Variants in KCNK13 observed in about 807,000 individuals in gnomAD.
The protein encoded by KCNK13 is potassium two pore domain channel subfamily K member 13.
In KCNK13, 12 loss-of-function variants were observed where a neutral mutation model predicts 23.4. The observed-to-expected ratio is 0.51, with a 90% CI of 0.33 to 0.83. KCNK13 has a LOEUF of 0.83. Among genes scored for constraint, KCNK13 ranks in the 40% least tolerant of loss-of-function variants. The pLI is 0.02. For missense variants in KCNK13, 463 were observed against 556.3 expected (o/e 0.83, Z 1.69); for synonymous variants, 231 against 229.5 (o/e 1.01, Z -0.06).
chr14:90,112,401 G>A (rs1409716747), intron 1 of KCNK13, among the ~76,000 whole-genome samples: 4 of 152,160 alleles, frequency 2.6e-5, no homozygotes, highest in East Asian at 1.9e-4. Flanking sequence ...GATTCATGCC[G>A]GCCAGTAGAG....
intron 1 of KCNK13, among the ~76,000 whole-genome samples, chr14:90,159,987 A>T: frequency 6.6e-6 from 1 of 151,926 alleles, no homozygotes; most frequent in East Asian, 1.9e-4. Context: ...ACATGCATGC[A>T]TACAGAGGGG....
At chr14:90,156,331 C>T (rs898955391) in intron 1 of KCNK13, among the ~76,000 whole-genome samples, 1 of 151,916 alleles carries the variant, frequency 6.6e-6, no homozygotes, top group African/African-American at 2.4e-5. Flanking sequence ...GATGGGGTGC[C>T]CCAATACTTA....
At chr14:90,097,091 G>A (rs1466300543) in intron 1 of KCNK13, among the ~76,000 whole-genome samples, 1 of 152,062 alleles carries the variant, frequency 6.6e-6, no homozygotes, top group Admixed American at 6.5e-5. Context: ...TCTATATTTT[G>A]TTCTACCTCT....
intron 1 of KCNK13, among the ~76,000 whole-genome samples, chr14:90,073,710 A>G (rs956314643): frequency 7.9e-5 from 12 of 152,132 alleles, no homozygotes; most frequent in African/African-American, 2.9e-4. Flanking sequence ...TCACTCTGTC[A>G]CCCAGGCTGG....
At position 90,184,944 on chromosome 14, in the gene KCNK13, G is replaced by A. The variant is rs527822225; in HGVS notation, c.1168G>A (p.Gly390Arg). Reference protein sequence around the residue: ...TLARDNEFSGGVGAFAIMNNR... With the variant: ...TLARDNEFSGRVGAFAIMNNR... The stretch of plus-strand genomic sequence containing the variant: ...GGCCCGGGACAATGAATTCTCAGGG[G>A]GGGTGGGAGCCTTTGCAATCATGAA... The change falls in exon 2 of 2, where the codon GGG becomes AGG. Residue 390 changes from glycine to arginine, a missense_variant. Coordinates refer to ENST00000282146, the MANE Select transcript of KCNK13 (RefSeq NM_022054.4). The surrounding 1 kb of genome is among the most constrained non-coding windows in gnomAD (Gnocchi z 5.6). 7 of 1,612,182 alleles carry A rather than the reference G, an allele frequency of 4.3e-6. No individual in the cohort carries two copies. The African/African-American group carries it at 6.7e-5, about 15-fold the overall frequency.
chr14:90,107,201 C>T (rs546216996), intron 1 of KCNK13, among the ~76,000 whole-genome samples: 14 of 150,912 alleles, frequency 9.3e-5, no homozygotes, highest in South Asian at 6.3e-4. Flanking sequence ...ACATGTTGGC[C>T]GGGCATGGTG....
chr14:90,083,296 T>C (rs1286903), intron 1 of KCNK13, among the ~76,000 whole-genome samples: 40,098 of 152,120 alleles, frequency 0.26, 5,614 homozygotes, highest in Non-Finnish European at 0.32. Flanking sequence ...AGTTCTATTT[T>C]TCCTTTTGTT....
chr14:90,160,490 A>G (rs567995984), intron 1 of KCNK13, among the ~76,000 whole-genome samples: 2 of 152,180 alleles, frequency 1.3e-5, no homozygotes, highest in African/African-American at 4.8e-5. Context: ...GCCTTGAAAG[A>G]TGAGTACTTA....
intron 1 of KCNK13, among the ~76,000 whole-genome samples, chr14:90,126,763 G>C (rs955764559): frequency 2.0e-5 from 3 of 151,978 alleles, no homozygotes; most frequent in Non-Finnish European, 2.9e-5. Flanking sequence ...GGCTGGTCTC[G>C]AACTCCTGAC....
At chr14:90,075,814 C>T (rs1889128235) in intron 1 of KCNK13, among the ~76,000 whole-genome samples, 1 of 152,178 alleles carries the variant, frequency 6.6e-6, no homozygotes, top group Non-Finnish European at 1.5e-5. Flanking sequence ...CCATCTTTCT[C>T]TCTAGTTTCA....
rs78417300 is a variant in KCNK13, at chr14:90,078,882, G to A, written c.334+16343G>A. On this transcript the variant is annotated intron_variant, in intron 1 of 1. Transcript: ENST00000282146. ...AGAGAAAGTCAGGCTCAAAAAGAGT[G>A]AGTAACTTTCCCAAGTCCACACAGC... 2.4e-4 allele frequency among the ~76,000 whole-genome samples: 36 copies of A among 152,322 alleles called. No individual in the cohort carries two copies. The East Asian group carries it at 6.9e-3, about 29-fold the overall frequency.
chr14:90,150,383 G>A (rs534227524), intron 1 of KCNK13, among the ~76,000 whole-genome samples: 3 of 152,272 alleles, frequency 2.0e-5, no homozygotes, highest in East Asian at 3.9e-4. Context: ...GGAGGCTAAG[G>A]CGAAGGACTG....
intron 1 of KCNK13, among the ~76,000 whole-genome samples, chr14:90,174,169 G>C (rs967713590): frequency 6.6e-6 from 1 of 152,090 alleles, no homozygotes; most frequent in Admixed American, 6.6e-5. Flanking sequence ...AATTAGCCGG[G>C]TGTGGTGGTG....
chr14:90,160,082 CA>C (rs1177382657), intron 1 of KCNK13, among the ~76,000 whole-genome samples: 4 of 151,650 alleles, frequency 2.6e-5, no homozygotes, highest in African/African-American at 7.3e-5. Flanking sequence ...CAGGCTGCGG[CA>C]AAAAAGAATA....
intron 1 of KCNK13, among the ~76,000 whole-genome samples, chr14:90,147,801 G>T (rs1212484639): frequency 6.6e-6 from 1 of 152,100 alleles, no homozygotes; most frequent in Non-Finnish European, 1.5e-5. Flanking sequence ...AATATTGAAT[G>T]TTCCTGGCCT....
At chr14:90,129,373 C>T (rs1221885169) in intron 1 of KCNK13, among the ~76,000 whole-genome samples, 2 of 152,112 alleles carry the variant, frequency 1.3e-5, no homozygotes, top group African/African-American at 4.8e-5. Context: ...TGCAATTGTT[C>T]ACAAGTGTGA....
intron 1 of KCNK13, among the ~76,000 whole-genome samples, chr14:90,136,630 A>T (rs773084532): frequency 2.6e-5 from 4 of 152,176 alleles, no homozygotes; most frequent in East Asian, 1.9e-4. Flanking sequence ...GTAGTAAAAT[A>T]GTTATTTACT....
At chr14:90,128,595 C>T (rs146704749) in intron 1 of KCNK13, among the ~76,000 whole-genome samples, 38 of 152,258 alleles carry the variant, frequency 2.5e-4, no homozygotes, top group African/African-American at 8.4e-4. Context: ...GAGGTACAGA[C>T]GGAGGTAAAA....
At chr14:90,176,934 C>T (rs1026181893) in intron 1 of KCNK13, among the ~76,000 whole-genome samples, 5 of 152,158 alleles carry the variant, frequency 3.3e-5, no homozygotes, top group African/African-American at 1.2e-4. Flanking sequence ...GCAGAAGAAG[C>T]ACTTGAACCC....
Sources: allele counts gnomAD v4.1 joint callset (sites outside exome capture counted in the v4.1 genomes callset), GRCh38; gene constraint gnomAD v4.1.1; non-coding constraint Gnocchi (gnomAD v3.1); transcripts MANE v1.5; gene names NCBI Gene and HGNC (gene_info 2026-07-23, HGNC 2026-07-21).